DHX34: variants seen among roughly 807,000 people sequenced by gnomAD.
DHX34 encodes the protein DExH-box helicase 34.
Under a neutral mutation model 111.1 loss-of-function variants are expected in DHX34, and 96 were observed. The ratio of observed to expected loss-of-function variants is 0.86; its 90% CI spans 0.73 to 1.02. The LOEUF (loss-of-function observed/expected upper bound fraction) is 1.02, where lower values mean the gene tolerates loss of function less well. DHX34 is among the 50% of genes least tolerant of loss of function. The probability of loss-of-function intolerance (pLI) is 0.00; values close to 1 mark genes in which losing one functional copy is unlikely to be tolerated. For synonymous variants in DHX34, 688 were observed against 670.4 expected (o/e 1.03, Z -0.41); for missense variants, 1,560 against 1,579.9 (o/e 0.99, Z 0.21).
chr19:47,369,440 C>T (rs1423847667), intron 7 of DHX34, among the ~76,000 whole-genome samples: 1 of 152,210 alleles, frequency 6.6e-6, no homozygotes, highest in Non-Finnish European at 1.5e-5. Context: ...CAGCTCCTGG[C>T]CCATTCATTA....
At chr19:47,351,731 C>T (rs1045532299) in intron 1 of DHX34, among the ~76,000 whole-genome samples, 1 of 152,140 alleles carries the variant, frequency 6.6e-6, no homozygotes, top group South Asian at 2.1e-4. Context: ...CCTGATTGGC[C>T]CTTCTTGGAT....
rs760835795 is a variant in DHX34 at position 47,353,539 on chromosome 19, G to T, written c.509G>T (p.Arg170Leu). The change falls in exon 2 of 17, where the codon CGC becomes CTC. Residue 170 changes from arginine to leucine, a missense_variant. Arg to Leu is a moderately radical substitution (Grantham distance 102, BLOSUM62 -2). Coordinates refer to ENST00000328771, the MANE Select transcript of DHX34 (RefSeq NM_014681.6). The surrounding 1 kb of genome is among the most constrained non-coding windows in gnomAD (Gnocchi z 4.6). ...CTCCCCATCGCCCAGTATGGGAACC[G>T]CATCCTGCAGACGCTGAAGGAGCAC... ...AALPIAQYGN[R>L]ILQTLKEHQV... is the part of the protein sequence containing the mutation. 5.0e-6 allele frequency: 8 copies of T among 1,613,322 alleles called. No individual in the cohort carries two copies. The highest frequency in any genetic ancestry group is 6.8e-6 in the Non-Finnish European group (8 of 1,179,982).
Position 47,362,699 on chromosome 19 carries a change from G to A in DHX34, c.1593+6G>A. The A allele has an allele frequency of 6.2e-7, 1 of 1,607,734 alleles. No individual in the cohort carries two copies. Among genetic ancestry groups the A allele is most frequent in the Non-Finnish European group, 8.5e-7 (1 of 1,177,654 alleles). ...TGGACTCGTTGGTGCTGCAGGTGAGGCATGGGCAGAAAGGGGACTATATCC... is the reference window on the plus strand; with the variant it reads ...TGGACTCGTTGGTGCTGCAGGTGAGACATGGGCAGAAAGGGGACTATATCC... On this transcript the variant is annotated splice_donor_region_variant and intron_variant, in intron 6 of 16. Coordinates refer to ENST00000328771, the MANE Select transcript of DHX34 (RefSeq NM_014681.6).
chr19:47,372,860 G>A lies in DHX34; in HGVS notation c.1899G>A (p.Arg633=), dbSNP rs1338669376. 1 of 1,611,292 alleles carries A rather than the reference G, an allele frequency of 6.2e-7. No homozygotes were observed. Residue 633 remains arginine (R), a synonymous_variant, in exon 8 of 17, where the codon CGG becomes CGA. Coordinates refer to ENST00000328771, the MANE Select transcript of DHX34 (RefSeq NM_014681.6). ...QSSPECAAAR[R]PLESDQGDPF... is the part of the protein sequence containing the mutation. ...GCCCAGAGTGCGCGGCAGCACGGCG[G>A]CCGCTGGAGAGCGACCAGGGTGACC...
intron 3 of DHX34, among the ~76,000 whole-genome samples, chr19:47,356,907 C>A (rs1969474336): frequency 6.6e-6 from 1 of 152,166 alleles, no homozygotes; most frequent in African/African-American, 2.4e-5. Context: ...GAGCCGAGAT[C>A]ATGCCACTGG....
intron 3 of DHX34, 194 bp from the exon 4 acceptor site, chr19:47,357,672 G>A (rs1449232365): frequency 1.2e-6 from 1 of 853,602 alleles, no homozygotes; most frequent in African/African-American, 1.8e-5. Flanking sequence ...CAATGAGATG[G>A]TGGCATAATG....
In DHX34 at chr19:47,353,826, G is replaced by A. The variant is rs111575510; in HGVS notation, c.705+91G>A. The A allele has an allele frequency of 2.4e-6, 3 of 1,230,698 alleles. No homozygotes were observed. The highest frequency in any genetic ancestry group is 3.3e-6 in the Non-Finnish European group (3 of 911,510). The allele number at this position is 1,230,698 out of a possible 1,614,324, so 76.2% of individuals were successfully genotyped here. A position where few individuals can be genotyped will look rare whatever the true frequency, so the allele number is the denominator to read the frequency against. On this transcript the variant is annotated intron_variant, in intron 2 of 16. Transcript: ENST00000328771. This position sits in a 1 kb window ranked among gnomAD's most constrained non-coding sequence, Gnocchi z 4.6. Reference sequence around the variant, plus strand: ...ATATGGCAGTATCAATAAAAATGAAGCACTTACCCTTGGACCCAGCGATGA... The same window carrying A: ...ATATGGCAGTATCAATAAAAATGAAACACTTACCCTTGGACCCAGCGATGA...
rs373426893 is a variant in DHX34, at chr19:47,376,469, C to T, written c.2508C>T (p.Gly836=). ...DQIFHTQAKQ[G]AVLHPTCVFA... is the part of the protein sequence containing the mutation. ...TTTTCCACACGCAGGCCAAGCAGGG[C>T]GCCGTGCTGCACCCCACCTGCGTCT... is the stretch of plus-strand genomic sequence containing the variant. Residue 836 remains glycine, a synonymous_variant, in exon 12 of 17, where the codon GGC becomes GGT. Transcript: ENST00000328771. The T allele has an allele frequency of 6.8e-5, 109 of 1,611,260 alleles. No homozygotes were observed. The highest frequency in any genetic ancestry group is 1.7e-4 in the Middle Eastern group (1 of 6,018).
intron 3 of DHX34, among the ~76,000 whole-genome samples, chr19:47,356,821 T>C (rs1281091397): frequency 2.6e-5 from 4 of 151,878 alleles, no homozygotes; most frequent in Admixed American, 1.3e-4. Flanking sequence ...CGAGTGGTGG[T>C]GCGCCCCTGT....
Position 47,353,772 on chromosome 19 carries a change from G to A in DHX34, c.705+37G>A, listed in dbSNP as rs367742505. On this transcript the variant is annotated intron_variant, in intron 2 of 16. Coordinates refer to ENST00000328771, the MANE Select transcript of DHX34 (RefSeq NM_014681.6). This position sits in a 1 kb window ranked among gnomAD's most constrained non-coding sequence, Gnocchi z 4.6. ...GCACCAGGTTTCCGATTTTTCCAGC[G>A]TGACCTTGGGGGAATAGGTTGCTTG... is the stretch of plus-strand genomic sequence containing the variant. 1.3e-4 allele frequency: 197 copies of A among 1,489,738 alleles called. No homozygotes were observed. The highest frequency in any genetic ancestry group is 1.6e-4 in the Non-Finnish European group (181 of 1,116,118). 92.3% of individuals were successfully genotyped at this position (1,489,738 alleles called of 1,614,324 possible). A position where few individuals can be genotyped will look rare whatever the true frequency, so the allele number is the denominator to read the frequency against.
At chr19:47,371,286 G>T (rs1407163854) in intron 7 of DHX34, among the ~76,000 whole-genome samples, 6 of 152,196 alleles carry the variant, frequency 3.9e-5, no homozygotes, top group Admixed American at 3.9e-4. Context: ...TGGGGAAAAC[G>T]AGGCTCAGAG....
chr19:47,372,770 G>T lies in DHX34; in HGVS notation c.1809G>T (p.Glu603Asp), dbSNP rs1307390252. 6.2e-7 allele frequency: 1 copy of T among 1,612,708 alleles called. No homozygotes were observed. Among genetic ancestry groups the T allele is most frequent in the South Asian group, 1.1e-5 (1 of 91,030 alleles). ...LILGSMFSLV[E>D]PVLTIAAALS... ...TGGGCTCCATGTTCAGCCTGGTGGAGCCTGTGCTCACCATCGCAGCCGCAC... is the reference window on the plus strand; with the variant it reads ...TGGGCTCCATGTTCAGCCTGGTGGATCCTGTGCTCACCATCGCAGCCGCAC... Residue 603 changes from glutamate (E) to aspartate (D), a missense_variant, in exon 8 of 17, where the codon GAG becomes GAT. By Grantham distance (45) the Glu-to-Asp change is conservative. Coordinates refer to ENST00000328771, the MANE Select transcript of DHX34 (RefSeq NM_014681.6).
rs755964277 is a variant in DHX34, at chr19:47,375,938, G to T, written c.2322G>T (p.Lys774Asn). 1.0e-5 allele frequency: 16 copies of T among 1,602,242 alleles called. No homozygotes were observed. The highest frequency in any genetic ancestry group is 1.4e-5 in the Non-Finnish European group (16 of 1,177,330). Residue 774 changes from lysine to asparagine, a missense_variant, in exon 11 of 17, where the codon AAG becomes AAT. Lys to Asn is a moderately conservative substitution (Grantham distance 94, BLOSUM62 0). Transcript: ENST00000328771. ...DGVDIQDVKF[K>N]LRHDLAQLQA... ...GCTCCCCCCAGGATGTGAAGTTCAA[G>T]CTTCGGCATGACCTGGCGCAGCTGC...
chr19:47,354,915 A>G (rs1969404712), intron 2 of DHX34, 124 bp from the exon 3 acceptor site: 1 of 1,498,496 alleles, frequency 6.7e-7, no homozygotes, highest in Non-Finnish European at 8.9e-7. Flanking sequence ...CTGCCTCCCA[A>G]AGTGCTGGGA....
intron 13 of DHX34, 33 bp from the exon 14 acceptor site, chr19:47,379,677 C>G (rs901724644): frequency 5.1e-6 from 8 of 1,569,254 alleles, no homozygotes; most frequent in Non-Finnish European, 4.3e-6. Context: ...GCCCCTCCCA[C>G]CTACTCCCTG....
chr19:47,373,634 G>A lies in DHX34; in HGVS notation c.1998G>A (p.Trp666Ter). 6.2e-7 allele frequency: 1 copy of A among 1,613,980 alleles called. No homozygotes were observed. Among genetic ancestry groups the A allele is most frequent in the Non-Finnish European group, 8.5e-7 (1 of 1,179,952 alleles). The change falls in exon 9 of 17, where the codon TGG becomes TGA. Residue 666 changes from tryptophan (W) to a stop codon, truncating the protein, a stop_gained. Coordinates refer to ENST00000328771, the MANE Select transcript of DHX34 (RefSeq NM_014681.6). LOFTEE classifies it high-confidence loss of function. ...KSERSRNSRK[W>*]CRRRGIEEHR... is the part of the protein sequence containing the mutation. ...AACGGAGCAGAAACTCTCGCAAGTG[G>A]TGCCGCCGCCGGGGCATAGAGGAGC... is the stretch of plus-strand genomic sequence containing the variant.
intron 9 of DHX34, 55 bp from the exon 10 acceptor site, chr19:47,375,411 T>A: frequency 2.0e-6 from 3 of 1,512,100 alleles, no homozygotes; most frequent in Non-Finnish European, 2.6e-6. Context: ...TTTCCATGAG[T>A]CCAGAGCCCA....
intron 6 of DHX34, 100 bp downstream of exon 6, chr19:47,362,793 T>G: frequency 2.0e-5 from 22 of 1,100,328 alleles, no homozygotes; most frequent in East Asian, 2.7e-5. Context: ...TATTTTGAGA[T>G]AGCGTCTTGC....
chr19:47,351,455 T>G (rs769381979), intron 1 of DHX34, among the ~76,000 whole-genome samples: 5 of 151,992 alleles, frequency 3.3e-5, no homozygotes, highest in Non-Finnish European at 5.9e-5. Context: ...AGCTGAGAAG[T>G]GGGGGGTTGA....
Sources: gnomAD v4.1 joint callset for allele counts (sites outside exome capture counted in the v4.1 genomes callset) on GRCh38, gnomAD v4.1.1 for gene constraint, Gnocchi (gnomAD v3.1) non-coding constraint, MANE v1.5 for transcripts, NCBI Gene and HGNC (gene_info 2026-07-23, HGNC 2026-07-21) for gene names.